The following DCC variants were observed in gnomAD, a reference collection of about 807,000 sequenced individuals.
DCC encodes the protein netrin receptor DCC.
DCC carries 58 observed loss-of-function variants against 172.5 expected under a neutral mutation model. The ratio of observed to expected loss-of-function variants is 0.34; its 90% CI spans 0.27 to 0.42. The LOEUF is 0.42. Among genes scored for constraint, DCC ranks in the 10% least tolerant of loss-of-function variants. DCC has a pLI of 1.00. For synonymous variants in DCC, 709 were observed against 644.5 expected (o/e 1.10, Z -1.52); for missense variants, 1,740 against 1,791.0 (o/e 0.97, Z 0.51).
chr18:53,096,873 A>G (rs1348756718), intron 7 of DCC, among the ~76,000 whole-genome samples: 2 of 152,224 alleles, frequency 1.3e-5, no homozygotes, highest in African/African-American at 4.8e-5. Context: ...ACTACTTTAT[A>G]ATGAAGTAAA....
Position 53,321,996 on chromosome 18 carries a change from A to G in DCC, c.2054-51A>G, listed in dbSNP as rs762083952. 36 of 974,738 alleles carry G rather than the reference A, an allele frequency of 3.7e-5. 1 individual carries two copies. In the Admixed American group the frequency reaches 4.4e-4, roughly 12 times the overall value. The allele number at this position is 974,738 out of a possible 1,614,324, so 60.4% of individuals were successfully genotyped here. On this transcript the variant is annotated intron_variant, in intron 13 of 28. Coordinates refer to ENST00000442544, the MANE Select transcript of DCC (RefSeq NM_005215.4). ...GAAGCTTTTGGAAACCCAGGTAGGA[A>G]TACTTGGTGCATAGTAACTTTCTTC...
intron 7 of DCC, among the ~76,000 whole-genome samples, chr18:53,070,581 G>T (rs1164751972): frequency 6.6e-6 from 1 of 152,100 alleles, no homozygotes; most frequent in Non-Finnish European, 1.5e-5. Flanking sequence ...TGACCATAAA[G>T]TGTCAAGGCT....
chr18:53,256,473 C>A (rs1408743743), intron 12 of DCC, among the ~76,000 whole-genome samples: 1 of 151,804 alleles, frequency 6.6e-6, no homozygotes, highest in Non-Finnish European at 1.5e-5. Context: ...ATAGGGAATC[C>A]TTTCCTGATT....
At chr18:53,385,947 A>G (rs1908132239) in intron 15 of DCC, 96 bp from the exon 16 acceptor site, 2 of 829,802 alleles carry the variant, frequency 2.4e-6, no homozygotes, top group Admixed American at 3.8e-5. Context: ...TACCAAGTAG[A>G]TTATATGAAA....
chr18:52,893,572 G>T (rs181522346), intron 2 of DCC, among the ~76,000 whole-genome samples: 1 of 152,238 alleles, frequency 6.6e-6, no homozygotes, highest in East Asian at 1.9e-4. Context: ...GAAAATCCTT[G>T]TTAGGGTTTT....
At chr18:52,996,186 A>G (rs1004082242) in intron 5 of DCC, among the ~76,000 whole-genome samples, 1 of 151,994 alleles carries the variant, frequency 6.6e-6, no homozygotes, top group Non-Finnish European at 1.5e-5. Context: ...TGCATACACC[A>G]TACAGTGCCA....
Position 53,402,811 on chromosome 18 carries a change from G to A in DCC, c.2853G>A (p.Leu951=). ...CCCCCACCTCTGCTCCCAAGGACTT[G>A]ACAGTCATTACTAGGGAAGGGAAGC... ...EAAPTSAPKD[L]TVITREGKPR... Residue 951 remains leucine (L), a synonymous_variant, in exon 19 of 29, where the codon TTG becomes TTA. Coordinates refer to ENST00000442544, the MANE Select transcript of DCC (RefSeq NM_005215.4). 6 of 1,613,948 alleles carry A rather than the reference G, an allele frequency of 3.7e-6. No individual in the cohort carries two copies. The highest frequency in any genetic ancestry group is 5.1e-6 in the Non-Finnish European group (6 of 1,179,872).
intron 2 of DCC, among the ~76,000 whole-genome samples, chr18:52,877,083 C>G (rs1208563971): frequency 1.3e-5 from 2 of 152,124 alleles, no homozygotes; most frequent in Non-Finnish European, 2.9e-5. Flanking sequence ...ACTGGATGAC[C>G]TGTATTTTAT....
chr18:53,003,043 A>G (rs1465366335), intron 5 of DCC, among the ~76,000 whole-genome samples: 2 of 152,142 alleles, frequency 1.3e-5, no homozygotes, highest in Non-Finnish European at 2.9e-5. Flanking sequence ...CCAAGGGTAC[A>G]TAGCTTTAGG....
At chr18:52,619,979 G>T (rs952704227) in intron 1 of DCC, among the ~76,000 whole-genome samples, 1 of 152,136 alleles carries the variant, frequency 6.6e-6, no homozygotes. Context: ...AAACTTGATG[G>T]CTTAGATTAA....
At chr18:52,990,697 T>C (rs1224738882) in intron 5 of DCC, among the ~76,000 whole-genome samples, 1 of 152,150 alleles carries the variant, frequency 6.6e-6, no homozygotes, top group Non-Finnish European at 1.5e-5. Flanking sequence ...CCCCTAAGCA[T>C]GTATTGATAT....
chr18:52,566,324 A>G (rs62083383), intron 1 of DCC, among the ~76,000 whole-genome samples: 42,164 of 152,000 alleles, frequency 0.28, 6,650 homozygotes, highest in Middle Eastern at 0.38. Flanking sequence ...ATGAGAATAC[A>G]TGGACACAGG....
At chr18:52,829,814 C>T (rs2038581075) in intron 2 of DCC, among the ~76,000 whole-genome samples, 1 of 151,992 alleles carries the variant, frequency 6.6e-6, no homozygotes, top group Non-Finnish European at 1.5e-5. Flanking sequence ...TATTATGTGG[C>T]AAAATATACC....
chr18:53,001,508 G>A (rs2041564107), intron 5 of DCC, among the ~76,000 whole-genome samples: 1 of 152,044 alleles, frequency 6.6e-6, no homozygotes, highest in African/African-American at 2.4e-5. Context: ...AGCAATTTAT[G>A]AGAACAGTAA....
intron 1 of DCC, among the ~76,000 whole-genome samples, chr18:52,515,932 A>AC (rs1391425246): frequency 1.3e-5 from 2 of 151,028 alleles, no homozygotes; most frequent in Non-Finnish European, 3.0e-5. Flanking sequence ...AAAATGGAAA[A>AC]AAAAAAAAAA....
At chr18:52,341,086 G>T (rs1286298198) in intron 1 of DCC, among the ~76,000 whole-genome samples, 3 of 152,258 alleles carry the variant, frequency 2.0e-5, no homozygotes, top group South Asian at 2.1e-4. Context: ...TACAAGGGGC[G>T]CCCCTTCGCT....
At chr18:52,459,882 C>CAT (rs34562886) in intron 1 of DCC, among the ~76,000 whole-genome samples, 37,614 of 148,442 alleles carry the variant, frequency 0.25, 4,978 homozygotes, top group African/African-American at 0.34. Context: ...GCATAGTATT[C>CAT]ATATATATAT....
chr18:53,413,861 TGTCAAGGATCAG>T (rs1910139186), intron 20 of DCC, among the ~76,000 whole-genome samples: 1 of 152,170 alleles, frequency 6.6e-6, no homozygotes, highest in South Asian at 2.1e-4. Flanking sequence ...TGACATATCT[TGTCAAGGATCAG>T]GTCATTCTTG....
At chr18:53,099,171 T>G (rs758043716) in intron 7 of DCC, among the ~76,000 whole-genome samples, 6 of 152,152 alleles carry the variant, frequency 3.9e-5, no homozygotes, top group Non-Finnish European at 7.4e-5. Flanking sequence ...ATGGTAAGTT[T>G]CAACTCCTAT....
Sources: allele counts gnomAD v4.1 joint callset (sites outside exome capture counted in the v4.1 genomes callset), GRCh38; gene constraint gnomAD v4.1.1; transcripts MANE v1.5; gene names NCBI Gene and HGNC (gene_info 2026-07-23, HGNC 2026-07-21).